NPNT: variants seen among roughly 807,000 people sequenced by gnomAD.
NPNT encodes preosteoblast EGF-like repeat protein with MAM domain.
In NPNT, 45 loss-of-function variants were observed where a neutral mutation model predicts 68.6. The ratio of observed to expected loss-of-function variants is 0.66; its 90% confidence interval spans 0.52 to 0.84. The LOEUF (loss-of-function observed/expected upper bound fraction) is 0.84. NPNT is among the 40% of genes least tolerant of loss of function. The pLI is 0.00. For synonymous variants in NPNT, 233 were observed against 253.3 expected, an observed-to-expected ratio of 0.92 and a Z score of 0.76; for missense variants, 672 against 714.8, an observed-to-expected ratio of 0.94 and a Z score of 0.68.
At chr4:105,932,777 A>T (rs141481236) in intron 3 of NPNT, 2 of 1,069,012 alleles carry the variant, frequency 1.9e-6, no homozygotes, top group Admixed American at 2.0e-5. Flanking sequence ...ACTTCTTGCA[A>T]ATGTTCTGAA....
chr4:105,935,200 T>C (rs926816373), intron 3 of NPNT, among the ~76,000 whole-genome samples: 1 of 152,214 alleles, frequency 6.6e-6, no homozygotes, highest in Non-Finnish European at 1.5e-5. Flanking sequence ...TCTCGAGATA[T>C]AGGTTTTGAT....
At chr4:105,944,645 A>G (rs1730239425) in intron 8 of NPNT, among the ~76,000 whole-genome samples, 1 of 152,194 alleles carries the variant, frequency 6.6e-6, no homozygotes, top group Non-Finnish European at 1.5e-5. Context: ...GTGTGATCTT[A>G]AAGACATGCT....
At chr4:105,932,603 C>G (rs1210703046) in intron 3 of NPNT, 1 of 1,528,840 alleles carries the variant, frequency 6.5e-7, no homozygotes, top group South Asian at 1.2e-5. Context: ...TACCTTCTTC[C>G]TGGTGTGAAG....
chr4:105,899,215 G>A (rs1726203475), intron 2 of NPNT, among the ~76,000 whole-genome samples: 1 of 152,092 alleles, frequency 6.6e-6, no homozygotes, highest in African/African-American at 2.4e-5. Context: ...ATCTCTGGTT[G>A]GGAATAGAAA....
intron 7 of NPNT, among the ~76,000 whole-genome samples, chr4:105,940,855 A>G (rs1729889036): frequency 6.6e-6 from 1 of 152,218 alleles, no homozygotes; most frequent in South Asian, 2.1e-4. Flanking sequence ...GAGTATTTTA[A>G]TCTCTTCACT....
At chr4:105,915,571 A>G (rs1388235305) in intron 2 of NPNT, among the ~76,000 whole-genome samples, 1 of 152,168 alleles carries the variant, frequency 6.6e-6, no homozygotes, top group Admixed American at 6.5e-5. Flanking sequence ...GCTTATATTC[A>G]CATTCAGTAA....
At chr4:105,950,965 GT>G (rs1420941182) in intron 8 of NPNT, among the ~76,000 whole-genome samples, 1 of 152,124 alleles carries the variant, frequency 6.6e-6, no homozygotes, top group Non-Finnish European at 1.5e-5. Context: ...AGGGGATCTC[GT>G]TAAATTGAAG....
intron 8 of NPNT, among the ~76,000 whole-genome samples, chr4:105,950,144 ATTAAC>A (rs1222815632): frequency 5.3e-5 from 8 of 152,182 alleles, no homozygotes; most frequent in African/African-American, 1.9e-4. Flanking sequence ...TGAAGGTTTT[ATTAAC>A]TTCTATTTTT....
intron 8 of NPNT, among the ~76,000 whole-genome samples, chr4:105,947,172 G>C (rs576635958): frequency 6.6e-6 from 1 of 152,230 alleles, no homozygotes; most frequent in African/African-American, 2.4e-5. Context: ...GCCTGATCCC[G>C]CAGGCAGTCA....
intron 1 of NPNT, among the ~76,000 whole-genome samples, chr4:105,896,575 T>C (rs1003611200): frequency 4.6e-5 from 7 of 152,184 alleles, no homozygotes; most frequent in Admixed American, 4.6e-4. Context: ...GAGGTTTTAC[T>C]CTGGCGCACA....
chr4:105,964,788 A>T (rs1031713466), intron 10 of NPNT, among the ~76,000 whole-genome samples: 2 of 152,102 alleles, frequency 1.3e-5, no homozygotes, highest in Non-Finnish European at 2.9e-5. Context: ...TGTCTATTTT[A>T]TGGTATTTTT....
At chr4:105,942,125 A>T (rs1292775022) in intron 7 of NPNT, among the ~76,000 whole-genome samples, 182 bp from the exon 8 acceptor site, 1 of 142,738 alleles carries the variant, frequency 7.0e-6, no homozygotes, top group East Asian at 2.0e-4. Flanking sequence ...GTATATATAT[A>T]TATATATATA....
At position 105,967,360 on chromosome 4, in the gene NPNT, C is replaced by T. The variant is rs202153038; in HGVS notation, c.1518C>T (p.Ala506=). Residue 506 remains alanine (A), a synonymous_variant, in exon 11 of 12, where the codon GCC becomes GCT. Transcript: ENST00000379987. ...TLQVFVRKHG[A]HGAALWGRNG... ...AGGTGTTTGTGAGAAAACACGGTGC[C>T]CACGGAGCAGCCCTGTGGGGAAGAA... The T allele has an allele frequency of 3.4e-5, 55 of 1,609,460 alleles. No individual in the cohort carries two copies. The highest frequency in any genetic ancestry group is 1.2e-4 in the Admixed American group (7 of 59,332).
rs1421410298 is a variant in NPNT at position 105,971,102 on chromosome 4, T to A, written c.*2112T>A. ...TTCAATGGATGATGTTTCAGATTTT[T>A]TTTTTTTTAAGAGATCCTTCAAGGA... On this transcript the variant is annotated 3_prime_UTR_variant, in exon 12 of 12. Transcript: ENST00000379987. 2 of 442,846 alleles carry A rather than the reference T, an allele frequency of 4.5e-6. No homozygotes were observed. Among genetic ancestry groups the A allele is most frequent in the Non-Finnish European group, 9.1e-6 (2 of 219,892 alleles). The allele number at this position is 442,846 out of a possible 1,614,324, so 27.4% of individuals were successfully genotyped here.
At chr4:105,903,932 G>C (rs891390488) in intron 2 of NPNT, among the ~76,000 whole-genome samples, 3 of 151,828 alleles carry the variant, frequency 2.0e-5, no homozygotes, top group African/African-American at 7.3e-5. Flanking sequence ...CCACAGGTGT[G>C]AGCGACCACA....
rs1462403610 is a variant in NPNT at position 105,970,595 on chromosome 4, A to G, written c.*1605A>G. ...AGAGGAAACTGGCTTAGACTAGAGT[A>G]TAAGGGAGCATTTCTTGGCAGGGGC... On this transcript the variant is annotated 3_prime_UTR_variant, in exon 12 of 12. Transcript: ENST00000379987. 1.9e-5 allele frequency: 13 copies of G among 669,832 alleles called. No individual in the cohort carries two copies. The highest frequency in any genetic ancestry group is 3.3e-5 in the Non-Finnish European group (12 of 364,052). 41.5% of individuals were successfully genotyped at this position (669,832 alleles called of 1,614,324 possible). A position where few individuals can be genotyped will look rare whatever the true frequency, so the allele number is the denominator to read the frequency against.
At chr4:105,927,192 A>C (rs933155321) in intron 2 of NPNT, 144 bp from the exon 3 acceptor site, 4 of 565,416 alleles carry the variant, frequency 7.1e-6, no homozygotes, top group Non-Finnish European at 1.3e-5. Flanking sequence ...GAGTGTTTAT[A>C]GGAAACTGAT....
At chr4:105,900,619 G>C (rs1363256862) in intron 2 of NPNT, among the ~76,000 whole-genome samples, 1 of 152,172 alleles carries the variant, frequency 6.6e-6, no homozygotes, top group Non-Finnish European at 1.5e-5. Context: ...AGCAGAGCCA[G>C]ATATAGCTGG....
At chr4:105,956,474 A>G (rs6855132) in intron 8 of NPNT, among the ~76,000 whole-genome samples, 13,661 of 151,232 alleles carry the variant, frequency 0.09, 782 homozygotes, top group African/African-American at 0.16. Flanking sequence ...ATCTGGGAGG[A>G]AAAAAAAAGA....
Sources: allele counts gnomAD v4.1 joint callset (sites outside exome capture counted in the v4.1 genomes callset), GRCh38; gene constraint gnomAD v4.1.1; transcripts MANE v1.5; gene names NCBI Gene and HGNC (gene_info 2026-07-23, HGNC 2026-07-21).